Variants in ATG16L1 observed in about 807,000 individuals in gnomAD.
ATG16L1 encodes the protein autophagy-related protein 16-1.
A neutral mutation model predicts 88.5 loss-of-function variants in ATG16L1; 37 were observed. The observed-to-expected ratio is 0.42, with a 90% CI of 0.32 to 0.55. The LOEUF (loss-of-function observed/expected upper bound fraction) is 0.55. Ranked by LOEUF, ATG16L1 falls within the 20% of genes least tolerant of loss-of-function variation. The pLI is 0.13. For missense variants in ATG16L1, 554 were observed against 752.8 expected (o/e 0.74, Z 3.09); for synonymous variants, 301 against 281.0 (o/e 1.07, Z -0.71).
intron 14 of ATG16L1, among the ~76,000 whole-genome samples, chr2:233,290,649 C>T (rs946060772): frequency 2.6e-5 from 4 of 151,024 alleles, no homozygotes; most frequent in Non-Finnish European, 3.0e-5. Context: ...GAAGGCAGAA[C>T]GCAAAAGTCA....
chr2:233,252,667 C>T (rs1306411874), intron 1 of ATG16L1, among the ~76,000 whole-genome samples: 1 of 152,088 alleles, frequency 6.6e-6, no homozygotes, highest in Admixed American at 6.5e-5. Flanking sequence ...GGATTATAGG[C>T]GTGAGCCACC....
chr2:233,271,053 G>A (rs1697958520), intron 6 of ATG16L1, among the ~76,000 whole-genome samples: 1 of 152,184 alleles, frequency 6.6e-6, no homozygotes, highest in African/African-American at 2.4e-5. Context: ...ACTCTCAGAT[G>A]TGGAAGATTA....
intron 11 of ATG16L1, among the ~76,000 whole-genome samples, chr2:233,282,463 A>C (rs1698781497): frequency 6.6e-6 from 1 of 152,162 alleles, no homozygotes; most frequent in Non-Finnish European, 1.5e-5. Context: ...TGTCTGCAAT[A>C]TTCTGATGAA....
At chr2:233,286,937 T>C (rs1699128727) in intron 12 of ATG16L1, among the ~76,000 whole-genome samples, 1 of 151,810 alleles carries the variant, frequency 6.6e-6, no homozygotes, top group Admixed American at 6.6e-5. Context: ...GCCCAAACAT[T>C]GTAAAGAGCA....
At position 233,292,230 on chromosome 2, in the gene ATG16L1, G is replaced by C; in HGVS notation, c.1533G>C (p.Leu511Phe). The C allele has an allele frequency of 6.2e-7, 1 of 1,614,234 alleles. No individual in the cohort carries two copies. The highest frequency in any genetic ancestry group is 1.1e-5 in the South Asian group (1 of 91,084). The change falls in exon 15 of 18, where the codon TTG becomes TTC. Residue 511 changes from leucine to phenylalanine, a missense_variant. Physicochemically the swap from Leu to Phe is conservative, Grantham distance 22. Coordinates refer to ENST00000392017, the MANE Select transcript of ATG16L1 (RefSeq NM_030803.7). ...TCCTGAGCTGCTCCCGTGATGACTT[G>C]CTAAAAGTTATTGATCTCCGAACAA... ...TELLSCSRDDLLKVIDLRTNA... is the reference protein window; with the variant it reads ...TELLSCSRDDFLKVIDLRTNA...
intron 8 of ATG16L1, chr2:233,274,365 A>G: frequency 2.3e-6 from 1 of 438,538 alleles, no homozygotes; most frequent in Non-Finnish European, 4.1e-6. Context: ...TGTTACATTA[A>G]GTTGAGAAAG....
intron 14 of ATG16L1, among the ~76,000 whole-genome samples, chr2:233,291,607 A>G (rs74427023): frequency 0.055 from 8,444 of 152,248 alleles, 295 homozygotes; most frequent in Non-Finnish European, 0.071. Flanking sequence ...CATGGGCCAC[A>G]GCACAGAGAA....
At chr2:233,292,584 A>G in intron 16 of ATG16L1, 150 bp downstream of exon 16, 1 of 930,292 alleles carries the variant, frequency 1.1e-6, no homozygotes, top group Admixed American at 2.2e-5. Flanking sequence ...GCAGGCCACC[A>G]TTATTGTCTC....
chr2:233,274,772 T>C lies in ATG16L1; in HGVS notation c.948T>C (p.Cys316=), dbSNP rs1353590920. 1 of 1,610,040 alleles carries C rather than the reference T, an allele frequency of 6.2e-7. No individual in the cohort carries two copies. The highest frequency in any genetic ancestry group is 8.5e-7 in the Non-Finnish European group (1 of 1,176,426). The change falls in exon 9 of 18, where the codon TGT becomes TGC. Residue 316 remains cysteine, a synonymous_variant. Transcript: ENST00000392017. ...KEVRVPATAL[C]VFDAHDGEVN... is the part of the protein sequence containing the mutation. The stretch of plus-strand genomic sequence containing the variant: ...TGAGGGTACCAGCTACTGCCTTGTG[T>C]GTCTTCGTAAGTATGCTTCAGCCCC...
chr2:233,290,411 G>A, intron 14 of ATG16L1, 58 bp downstream of exon 14: 1 of 1,359,810 alleles, frequency 7.4e-7, no homozygotes, highest in Non-Finnish European at 1.1e-6. Context: ...TAATGGTTCT[G>A]TACATGGGTT....
chr2:233,277,789 G>T, intron 10 of ATG16L1, 116 bp downstream of exon 10: 1 of 835,878 alleles, frequency 1.2e-6, no homozygotes, highest in South Asian at 1.5e-5. Context: ...ACTGTGAATT[G>T]TTCATTTTCT....
At chr2:233,267,690 TGGG>T (rs1373326074) in intron 5 of ATG16L1, among the ~76,000 whole-genome samples, 2 of 152,312 alleles carry the variant, frequency 1.3e-5, no homozygotes, top group East Asian at 3.9e-4. Context: ...GTGAGGGTGT[TGGG>T]GGCCCCAGGT....
At chr2:233,278,530 G>T (rs963513505) in intron 10 of ATG16L1, among the ~76,000 whole-genome samples, 1 of 152,156 alleles carries the variant, frequency 6.6e-6, no homozygotes, top group Non-Finnish European at 1.5e-5. Flanking sequence ...GGTAGAGATT[G>T]CGCCATTTCA....
Position 233,294,342 on chromosome 2 carries a change from C to T in ATG16L1, c.1816C>T (p.Gln606Ter). 1.2e-6 allele frequency: 2 copies of T among 1,613,634 alleles called. No individual in the cohort carries two copies. The change falls in exon 18 of 18, where the codon CAG (glutamine) becomes TAG (stop). Residue 606 changes from glutamine (Q) to a stop codon, truncating the protein, a stop_gained. Coordinates refer to ENST00000392017, the MANE Select transcript of ATG16L1 (RefSeq NM_030803.7). LOFTEE classifies it high-confidence loss of function. ...DKGCKAVLWA[Q>*]Y ...AGGATGCAAAGCTGTGCTGTGGGCA[C>T]AGTACTGACGGGGCTCTCAGGGCTG...
intron 2 of ATG16L1, among the ~76,000 whole-genome samples, chr2:233,262,576 C>T (rs2125219788): frequency 6.6e-6 from 1 of 152,352 alleles, no homozygotes; most frequent in Non-Finnish European, 1.5e-5. Context: ...CTCCTTCTGC[C>T]CAGAGGGCCC....
intron 3 of ATG16L1, 112 bp from the exon 4 acceptor site, chr2:233,263,880 C>T: frequency 2.0e-6 from 2 of 1,023,886 alleles, no homozygotes; most frequent in East Asian, 2.6e-5. Context: ...CGGCTCCTTG[C>T]TGTCACCCAG....
chr2:233,271,426 G>GCC, intron 6 of ATG16L1, among the ~76,000 whole-genome samples: 1 of 152,150 alleles, frequency 6.6e-6, no homozygotes, highest in Non-Finnish European at 1.5e-5. Context: ...TTACAGGCAT[G>GCC]CGCCACCACG....
chr2:233,282,973 C>T lies in ATG16L1; in HGVS notation c.1203+220C>T, dbSNP rs527619597. 10 of 499,632 alleles carry T rather than the reference C, an allele frequency of 2.0e-5. No homozygotes were observed. The East Asian group carries it at 3.6e-4, about 18-fold the overall frequency. The allele number at this position is 499,632 out of a possible 1,614,324, so 30.9% of individuals were successfully genotyped here. On this transcript the variant is annotated intron_variant, in intron 12 of 17. Coordinates refer to ENST00000392017, the MANE Select transcript of ATG16L1 (RefSeq NM_030803.7). ...ATTTGCAATGGGACCCTCACATTTG[C>T]ATGAAAACCTTGGAATACTCTTCAT...
At chr2:233,290,514 A>G (rs955520375) in intron 14 of ATG16L1, among the ~76,000 whole-genome samples, 161 bp downstream of exon 14, 1 of 152,218 alleles carries the variant, frequency 6.6e-6, no homozygotes, top group Admixed American at 6.5e-5. Context: ...CCCATGAAGT[A>G]GACTGTGGAG....
Sources: allele counts gnomAD v4.1 joint callset (sites outside exome capture counted in the v4.1 genomes callset), GRCh38; gene constraint gnomAD v4.1.1; transcripts MANE v1.5; gene names NCBI Gene and HGNC (gene_info 2026-07-23, HGNC 2026-07-21).